GALNTL6: variants seen among roughly 807,000 people sequenced by gnomAD.
GALNTL6 encodes polypeptide N-acetylgalactosaminyltransferase-like 6.
GALNTL6 carries 46 observed loss-of-function variants against 73.7 expected under a neutral mutation model. That is an observed-to-expected ratio of 0.62 (90% CI 0.49 to 0.80). The LOEUF (loss-of-function observed/expected upper bound fraction) is 0.80. Ranked by LOEUF, GALNTL6 falls within the 30% of genes least tolerant of loss-of-function variation. GALNTL6 has a pLI of 0.00. For synonymous variants in GALNTL6, 259 were observed against 263.7 expected, an observed-to-expected ratio of 0.98 and a Z score of 0.17; for missense variants, 604 against 755.0, an observed-to-expected ratio of 0.80 and a Z score of 2.34.
At chr4:172,575,317 T>C (rs1736919242) in intron 5 of GALNTL6, among the ~76,000 whole-genome samples, 2 of 152,202 alleles carry the variant, frequency 1.3e-5, no homozygotes, top group Non-Finnish European at 2.9e-5. Flanking sequence ...TATTGTTCCA[T>C]CATATGTTAA....
intron 8 of GALNTL6, among the ~76,000 whole-genome samples, chr4:172,915,522 G>T (rs1168693854): frequency 6.6e-6 from 1 of 152,164 alleles, no homozygotes; most frequent in Non-Finnish European, 1.5e-5. Flanking sequence ...AAGAAGAAAA[G>T]AGAGAAGAAT....
intron 2 of GALNTL6, among the ~76,000 whole-genome samples, chr4:171,859,259 T>C (rs1223935913): frequency 6.6e-6 from 1 of 152,196 alleles, no homozygotes; most frequent in Non-Finnish European, 1.5e-5. Context: ...TATACAGTGG[T>C]TATCCAGGCA....
At chr4:172,313,088 G>T (rs894795174) in intron 4 of GALNTL6, among the ~76,000 whole-genome samples, 3 of 151,586 alleles carry the variant, frequency 2.0e-5, no homozygotes, top group Non-Finnish European at 4.4e-5. Context: ...AATATGCTAA[G>T]AGAGTAATTT....
chr4:172,645,675 T>A (rs1740211381), intron 5 of GALNTL6, among the ~76,000 whole-genome samples: 1 of 151,894 alleles, frequency 6.6e-6, no homozygotes, highest in South Asian at 2.1e-4. Context: ...ATTTAATATG[T>A]GTTTTACATG....
At chr4:172,346,011 G>T (rs889718790) in intron 4 of GALNTL6, among the ~76,000 whole-genome samples, 1 of 152,108 alleles carries the variant, frequency 6.6e-6, no homozygotes, top group Non-Finnish European at 1.5e-5. Context: ...CTTCTGATCT[G>T]CCCTTTGTGC....
At chr4:172,789,809 G>T (rs1220372415) in intron 5 of GALNTL6, among the ~76,000 whole-genome samples, 1 of 152,130 alleles carries the variant, frequency 6.6e-6, no homozygotes, top group Non-Finnish European at 1.5e-5. Context: ...CCTGCCTTGG[G>T]GCAGGTAAAA....
At chr4:173,015,517 G>C (rs1752745217) in intron 11 of GALNTL6, among the ~76,000 whole-genome samples, 1 of 152,212 alleles carries the variant, frequency 6.6e-6, no homozygotes, top group Non-Finnish European at 1.5e-5. Context: ...GGCTGAGGTG[G>C]TCTCAGATGG....
chr4:172,182,233 C>T (rs1015278491), intron 2 of GALNTL6, among the ~76,000 whole-genome samples: 9 of 152,162 alleles, frequency 5.9e-5, no homozygotes, highest in African/African-American at 2.2e-4. Flanking sequence ...TGGAGAACTA[C>T]AAACCACTGC....
At chr4:172,865,785 G>A (rs1471005560) in intron 7 of GALNTL6, among the ~76,000 whole-genome samples, 1 of 151,920 alleles carries the variant, frequency 6.6e-6, no homozygotes, top group Non-Finnish European at 1.5e-5. Flanking sequence ...CTCATGCCCT[G>A]GGGCCTCTTC....
intron 5 of GALNTL6, among the ~76,000 whole-genome samples, chr4:172,796,820 T>C (rs547799908): frequency 6.6e-6 from 1 of 152,328 alleles, no homozygotes; most frequent in East Asian, 1.9e-4. Context: ...ATAGGACCAA[T>C]TCCCAGATAT....
Position 172,328,741 on chromosome 4 carries a change from T to A in GALNTL6, c.386+16989T>A, listed in dbSNP as rs1019884972. Among the ~76,000 whole-genome samples, 4 of 152,198 alleles carry A rather than the reference T, an allele frequency of 2.6e-5. No homozygotes were observed. In the East Asian group the frequency reaches 7.7e-4, roughly 29 times the overall value. ...GTAGTGTGTTTTTTCATACTGGGTG[T>A]TCTATCTTTCAGCTCCTGTGTCATT... On this transcript the variant is annotated intron_variant, in intron 4 of 12. Coordinates refer to ENST00000506823, the MANE Select transcript of GALNTL6 (RefSeq NM_001034845.3).
chr4:172,058,878 G>A (rs1731110039), intron 2 of GALNTL6, among the ~76,000 whole-genome samples: 1 of 152,048 alleles, frequency 6.6e-6, no homozygotes, highest in South Asian at 2.1e-4. Flanking sequence ...GGTGACTTGA[G>A]CATTTGTTTC....
At chr4:172,264,638 G>A (rs941917477) in intron 3 of GALNTL6, among the ~76,000 whole-genome samples, 15 of 139,328 alleles carry the variant, frequency 1.1e-4, no homozygotes, top group Non-Finnish European at 2.2e-4. Context: ...TATATTATAT[G>A]TGTATATACG....
At chr4:172,674,429 T>C (rs1579320293) in intron 5 of GALNTL6, among the ~76,000 whole-genome samples, 1 of 152,188 alleles carries the variant, frequency 6.6e-6, no homozygotes, top group East Asian at 1.9e-4. Context: ...GAAAATCTGA[T>C]GATTATGTGT....
chr4:172,722,049 T>A (rs1008813364), intron 5 of GALNTL6, among the ~76,000 whole-genome samples: 4 of 151,880 alleles, frequency 2.6e-5, no homozygotes, highest in Non-Finnish European at 5.9e-5. Flanking sequence ...CGAACAGAGT[T>A]CTGATTAATG....
chr4:171,899,903 C>T (rs539068373), intron 2 of GALNTL6, among the ~76,000 whole-genome samples: 2 of 152,116 alleles, frequency 1.3e-5, no homozygotes, highest in Non-Finnish European at 2.9e-5. Flanking sequence ...AAGTCATTCC[C>T]TTCCACACCC....
At chr4:172,959,290 A>G (rs187160183) in intron 10 of GALNTL6, among the ~76,000 whole-genome samples, 96 of 152,246 alleles carry the variant, frequency 6.3e-4, no homozygotes, top group Admixed American at 1.2e-3. Context: ...AGGTGTGGCT[A>G]TAGCCCAGGA....
intron 2 of GALNTL6, among the ~76,000 whole-genome samples, chr4:172,099,144 T>C (rs139740540): frequency 6.6e-6 from 1 of 152,164 alleles, no homozygotes; most frequent in East Asian, 1.9e-4. Context: ...CTTCAAACAC[T>C]AGAGAGACGA....
chr4:173,035,255 C>T (rs942633565), intron 12 of GALNTL6, among the ~76,000 whole-genome samples: 5 of 151,692 alleles, frequency 3.3e-5, no homozygotes, highest in Non-Finnish European at 7.4e-5. Context: ...CTCGGCTCAC[C>T]GCAACCTCCG....
Sources: allele counts gnomAD v4.1 joint callset (sites outside exome capture counted in the v4.1 genomes callset), GRCh38; gene constraint gnomAD v4.1.1; transcripts MANE v1.5; gene names NCBI Gene and HGNC (gene_info 2026-07-23, HGNC 2026-07-21).